The following STK3 variants were observed in gnomAD, a reference collection of about 807,000 sequenced individuals.
The protein encoded by STK3 is serine/threonine kinase 3.
In STK3, 41 loss-of-function variants were observed where a neutral mutation model predicts 58.0. The observed-to-expected ratio is 0.71, with a 90% CI of 0.55 to 0.92. The LOEUF is 0.92. STK3 is among the 40% of genes least tolerant of loss of function. The pLI is 0.00. For synonymous variants in STK3, 170 were observed against 191.0 expected (o/e 0.89, Z 0.91); for missense variants, 479 against 602.7 (o/e 0.79, Z 2.15).
intron 6 of STK3, among the ~76,000 whole-genome samples, chr8:98,700,171 A>G (rs577726281): frequency 3.9e-5 from 6 of 152,248 alleles, no homozygotes; most frequent in Admixed American, 2.0e-4. Context: ...CTCTGATCCA[A>G]GTGCGGGATA....
downstream of STK3, among the ~76,000 whole-genome samples, chr8:98,367,293 C>G (rs1357187964): frequency 6.6e-6 from 1 of 152,210 alleles, no homozygotes; most frequent in African/African-American, 2.4e-5. Flanking sequence ...AAACCTTACC[C>G]CAGCCCATTT....
intron 4 of STK3, 95 bp from the exon 5 acceptor site, chr8:98,707,406 G>T: frequency 1.0e-6 from 1 of 956,490 alleles, no homozygotes; most frequent in Middle Eastern, 3.5e-4. Context: ...TTCCGTGTGT[G>T]TGTGTGTGTT....
intron 6 of STK3, among the ~76,000 whole-genome samples, chr8:98,696,363 A>G (rs1250582768): frequency 2.6e-5 from 4 of 151,132 alleles, no homozygotes; most frequent in South Asian, 2.1e-4. Context: ...TCTCCTGCCT[A>G]ATTGCCCTGG....
chr8:98,530,830 A>G (rs930056741), intron 9 of STK3, among the ~76,000 whole-genome samples: 3 of 152,230 alleles, frequency 2.0e-5, no homozygotes, highest in African/African-American at 7.2e-5. Context: ...TCATTTCAAC[A>G]ATGTTCACAG....
chr8:98,382,861 A>T (rs1403610662), intron 1 of STK3, among the ~76,000 whole-genome samples: 1 of 152,152 alleles, frequency 6.6e-6, no homozygotes, highest in Non-Finnish European at 1.5e-5. Context: ...GGTGGGGACC[A>T]GCCTTCCCAG....
intron 1 of STK3, among the ~76,000 whole-genome samples, chr8:98,783,652 C>A (rs1438860082): frequency 6.6e-6 from 1 of 152,230 alleles, no homozygotes; most frequent in East Asian, 1.9e-4. Context: ...CAAAAGATTT[C>A]TCTATAGCAT....
chr8:98,538,571 A>G lies in STK3; in HGVS notation c.1141+9398T>C, dbSNP rs533187192. On this transcript the variant is annotated intron_variant, in intron 9 of 10. Transcript: ENST00000419617. ...AATGAAGTCAGAATAGAAGGAAACAAAAATTGAAGCCCAAAGATTTTAGTT... is the reference window on the plus strand; with the variant it reads ...AATGAAGTCAGAATAGAAGGAAACAGAAATTGAAGCCCAAAGATTTTAGTT... 8.5e-5 allele frequency among the ~76,000 whole-genome samples: 13 copies of G among 152,312 alleles called. No homozygotes were observed. The South Asian group carries it at 2.7e-3, about 32-fold the overall frequency.
At chr8:98,822,196 T>A (rs982368665) in intron 1 of STK3, among the ~76,000 whole-genome samples, 4 of 152,234 alleles carry the variant, frequency 2.6e-5, no homozygotes, top group Non-Finnish European at 5.9e-5. Flanking sequence ...GAAATACACA[T>A]GGTGGCTTCA....
rs1434832077 is a variant in STK3 at position 98,428,837 on chromosome 8, T to C, written n.483+5290A>G. ...ACCTGGTGGTGGAGAGCACACCTAC[T>C]TTAGCCAACTTGGGCAGGGTGGCCC... is the stretch of plus-strand genomic sequence containing the variant. On this transcript the variant is annotated intron_variant and non_coding_transcript_variant, in intron 3 of 3. Coordinates refer to the STK3 transcript ENST00000517832. This position sits in a 1 kb window ranked among gnomAD's most constrained non-coding sequence, Gnocchi z 6.7. The C allele has an allele frequency of 6.2e-7, 1 of 1,614,184 alleles. No individual in the cohort carries two copies.
intron 4 of STK3, among the ~76,000 whole-genome samples, chr8:98,731,168 T>C (rs1159986331): frequency 1.3e-5 from 2 of 152,136 alleles, no homozygotes; most frequent in African/African-American, 4.8e-5. Context: ...AGCATTTCTA[T>C]GGAGAAGGTC....
At chr8:98,450,552 G>A (rs147093672), downstream of STK3, among the ~76,000 whole-genome samples, 380 of 152,202 alleles carry the variant, frequency 2.5e-3, no homozygotes, top group African/African-American at 8.6e-3. Flanking sequence ...GGCTCCTTCC[G>A]CCATGCTGAT....
At chr8:98,632,308 AC>A (rs1819316843) in intron 6 of STK3, among the ~76,000 whole-genome samples, 1 of 152,252 alleles carries the variant, frequency 6.6e-6, no homozygotes, top group East Asian at 1.9e-4. Flanking sequence ...ATGTGAACTC[AC>A]CTCAAGAGAA....
At chr8:98,657,231 C>T (rs2130764452) in intron 6 of STK3, among the ~76,000 whole-genome samples, 1 of 152,142 alleles carries the variant, frequency 6.6e-6, no homozygotes, top group East Asian at 1.9e-4. Flanking sequence ...GTGCCAGGTA[C>T]TGTGGTAAGT....
upstream of STK3, among the ~76,000 whole-genome samples, chr8:98,390,267 A>T (rs535872394): frequency 6.6e-6 from 1 of 152,168 alleles, no homozygotes; most frequent in South Asian, 2.1e-4. Context: ...TTTTATTTTA[A>T]CCTTCATTCC....
At chr8:98,922,981 G>A (rs918107860) in intron 1 of STK3, among the ~76,000 whole-genome samples, 5 of 152,116 alleles carry the variant, frequency 3.3e-5, no homozygotes, top group Non-Finnish European at 5.9e-5. Context: ...AATTGGTTCC[G>A]CTGAGGATTG....
chr8:98,618,803 G>T (rs1436350233), intron 6 of STK3, among the ~76,000 whole-genome samples: 2 of 148,388 alleles, frequency 1.3e-5, no homozygotes, highest in South Asian at 2.2e-4. Flanking sequence ...CACTGCTCAA[G>T]GAAATAGAAG....
chr8:98,581,867 T>C (rs1487130183), intron 7 of STK3, among the ~76,000 whole-genome samples: 1 of 151,990 alleles, frequency 6.6e-6, no homozygotes, highest in Non-Finnish European at 1.5e-5. Flanking sequence ...ACTTACAATG[T>C]CCATGGTTTT....
intron 1 of STK3, among the ~76,000 whole-genome samples, chr8:98,913,705 T>G (rs1406223662): frequency 2.6e-5 from 4 of 152,262 alleles, no homozygotes; most frequent in African/African-American, 9.6e-5. Flanking sequence ...CACACTGCAA[T>G]GTGACTGAAC....
intron 1 of STK3, among the ~76,000 whole-genome samples, chr8:98,439,453 C>T (rs1818613258): frequency 6.6e-6 from 1 of 152,166 alleles, no homozygotes; most frequent in South Asian, 2.1e-4. Flanking sequence ...GGACAGCTTT[C>T]CTGAGAGGCA....
Sources: allele counts gnomAD v4.1 joint callset (sites outside exome capture counted in the v4.1 genomes callset), GRCh38; gene constraint gnomAD v4.1.1; non-coding constraint Gnocchi (gnomAD v3.1); transcripts MANE v1.5; gene names NCBI Gene and HGNC (gene_info 2026-07-23, HGNC 2026-07-21).